The following KAZN variants were observed in gnomAD, a reference collection of about 807,000 sequenced individuals.
KAZN encodes the protein kazrin, periplakin interacting protein, also known as kazrin.
In KAZN, 40 loss-of-function variants were observed where a neutral mutation model predicts 87.4. The observed-to-expected ratio is 0.46, with a 90% CI of 0.36 to 0.60. The LOEUF is 0.60. Ranked by LOEUF, KAZN falls within the 20% of genes least tolerant of loss-of-function variation. KAZN has a pLI of 0.00. For missense variants in KAZN, 898 were observed against 1,073.9 expected (o/e 0.84, Z 2.29); for synonymous variants, 466 against 458.3 (o/e 1.02, Z -0.22).
chr1:14,544,086 G>T (rs1468124721), intron 2 of KAZN, among the ~76,000 whole-genome samples: 1 of 152,110 alleles, frequency 6.6e-6, no homozygotes. Context: ...TTTAGGGGAA[G>T]GGAGTGCAAA....
intron 1 of KAZN, among the ~76,000 whole-genome samples, chr1:14,907,688 G>C (rs1020130158): frequency 1.3e-5 from 2 of 152,150 alleles, no homozygotes; most frequent in Non-Finnish European, 2.9e-5. Context: ...AAGAAAGAAG[G>C]GTTTCATGAA....
chr1:14,943,010 GTGTGTGTGTGTGTGTGTGTGTGT>G lies in KAZN; in HGVS notation c.227-17673_227-17651del, dbSNP rs1661292509. Among the ~76,000 whole-genome samples the G allele has an allele frequency of 4.4e-4, 34 of 76,642 alleles. No homozygotes were observed. In the East Asian group the frequency reaches 0.013, roughly 30 times the overall value. The allele number at this position is 76,642 out of a possible 152,430, so 50.3% of individuals were successfully genotyped here. A position where few individuals can be genotyped will look rare whatever the true frequency, so the allele number is the denominator to read the frequency against. ...TGAGCTGCGTGTGTGTGTGTGTGGT[GTGTGTGTGTGTGTGTGTGTGTGT>G]GTGTGTGTGTGTGTGTGTTGGGGAG... On this transcript the variant is annotated intron_variant, in intron 1 of 14. Coordinates refer to ENST00000376030, the MANE Select transcript of KAZN (RefSeq NM_201628.3).
In KAZN at chr1:15,101,750, G is replaced by A. The variant is rs140097985; in HGVS notation, c.1755G>A (p.Leu585=). Residue 585 remains leucine, a synonymous_variant, in exon 11 of 15, where the codon CTG becomes CTA. Coordinates refer to ENST00000376030, the MANE Select transcript of KAZN (RefSeq NM_201628.3). ...QVSILLGIEL[L]YQVNFSREAL... Reference sequence around the variant, plus strand: ...GCATCCTGCTGGGGATCGAGCTGCTGTACCAAGTGAACTTCAGCAGGGAGG... The same window carrying A: ...GCATCCTGCTGGGGATCGAGCTGCTATACCAAGTGAACTTCAGCAGGGAGG... 372 of 1,583,660 alleles carry A rather than the reference G, an allele frequency of 2.3e-4. No individual in the cohort carries two copies. The African/African-American group carries it at 4.2e-3, about 18-fold the overall frequency.
At chr1:13,947,240 A>T (rs989198851) in intron 1 of KAZN, among the ~76,000 whole-genome samples, 1 of 152,174 alleles carries the variant, frequency 6.6e-6, no homozygotes, top group Non-Finnish European at 1.5e-5. Context: ...CAGGTGAGAG[A>T]TAATGAGCAA....
chr1:14,105,586 C>T (rs1364512320), intron 1 of KAZN, among the ~76,000 whole-genome samples: 3 of 152,316 alleles, frequency 2.0e-5, no homozygotes, highest in Admixed American at 1.3e-4. Context: ...ATTCTTGGAA[C>T]CCCTGTCCAA....
At chr1:14,197,480 G>A (rs756906736) in intron 2 of KAZN, among the ~76,000 whole-genome samples, 56 of 151,244 alleles carry the variant, frequency 3.7e-4, no homozygotes, top group Non-Finnish European at 3.5e-4. Flanking sequence ...CTGAGGTCAG[G>A]AGTTCTAGAC....
At chr1:14,114,811 C>G (rs1242295325) in intron 1 of KAZN, among the ~76,000 whole-genome samples, 4 of 152,212 alleles carry the variant, frequency 2.6e-5, no homozygotes, top group Non-Finnish European at 4.4e-5. Flanking sequence ...GCTGAGCCCT[C>G]TAACTCCATC....
chr1:14,657,280 T>A (rs1467310677), intron 1 of KAZN, among the ~76,000 whole-genome samples: 5 of 152,112 alleles, frequency 3.3e-5, no homozygotes, highest in East Asian at 3.9e-4. Flanking sequence ...ACGGGGTTTC[T>A]CCATGTTGGT....
chr1:14,628,209 A>T (rs754825341), intron 1 of KAZN, among the ~76,000 whole-genome samples: 1 of 152,196 alleles, frequency 6.6e-6, no homozygotes, highest in African/African-American at 2.4e-5. Flanking sequence ...ATGCATGCCT[A>T]TGGATCCTGT....
intron 1 of KAZN, among the ~76,000 whole-genome samples, chr1:14,751,587 C>CCCAA (rs1644413644): frequency 6.6e-6 from 1 of 152,156 alleles, no homozygotes; most frequent in Non-Finnish European, 1.5e-5. Context: ...AAGAGACTTG[C>CCCAA]CCAAGGTCAT....
chr1:14,114,774 A>G (rs1412868291), intron 1 of KAZN, among the ~76,000 whole-genome samples: 2 of 152,220 alleles, frequency 1.3e-5, no homozygotes, highest in Non-Finnish European at 2.9e-5. Flanking sequence ...TCTAATATTC[A>G]TTGCAAGCTT....
intron 1 of KAZN, among the ~76,000 whole-genome samples, chr1:14,661,669 G>A (rs1234802870): frequency 7.1e-6 from 1 of 140,406 alleles, no homozygotes; most frequent in Non-Finnish European, 1.6e-5. Context: ...GGACGGGGGG[G>A]CGGGAGGGAG....
chr1:14,416,356 T>A (rs553821864), intron 2 of KAZN, among the ~76,000 whole-genome samples: 1 of 152,318 alleles, frequency 6.6e-6, no homozygotes, highest in East Asian at 1.9e-4. Flanking sequence ...AGTGACTTCT[T>A]GATACAGAAT....
intron 1 of KAZN, among the ~76,000 whole-genome samples, chr1:14,077,694 G>T (rs1315759598): frequency 6.6e-6 from 1 of 152,224 alleles, no homozygotes; most frequent in Non-Finnish European, 1.5e-5. Context: ...GAAATCCTAA[G>T]CCCTGGTACC....
intron 13 of KAZN, among the ~76,000 whole-genome samples, chr1:15,111,170 C>T (rs1038302776): frequency 6.6e-6 from 1 of 152,226 alleles, no homozygotes; most frequent in Non-Finnish European, 1.5e-5. Context: ...CTGTCTCCTA[C>T]ACACCACTCC....
At chr1:14,179,225 T>A (rs188800078) in intron 1 of KAZN, among the ~76,000 whole-genome samples, 3 of 152,344 alleles carry the variant, frequency 2.0e-5, no homozygotes, top group Non-Finnish European at 4.4e-5. Flanking sequence ...AACTTTGTCC[T>A]GGAAATCCTA....
chr1:14,761,432 T>G (rs1557462408), intron 1 of KAZN, among the ~76,000 whole-genome samples: 1 of 152,146 alleles, frequency 6.6e-6, no homozygotes, highest in Non-Finnish European at 1.5e-5. Context: ...AAAACAAGCT[T>G]CAACACTGAT....
At chr1:14,762,464 G>A (rs1320566535) in intron 1 of KAZN, among the ~76,000 whole-genome samples, 1 of 152,138 alleles carries the variant, frequency 6.6e-6, no homozygotes, top group African/African-American at 2.4e-5. Context: ...GGTGGCTCAC[G>A]CCAGTAATCC....
At chr1:15,107,695 C>A (rs1396556298) in intron 13 of KAZN, among the ~76,000 whole-genome samples, 1 of 152,136 alleles carries the variant, frequency 6.6e-6, no homozygotes, top group Non-Finnish European at 1.5e-5. Flanking sequence ...TATTCCAAAC[C>A]CACCCCTAGC....
Sources: gnomAD v4.1 joint callset for allele counts (sites outside exome capture counted in the v4.1 genomes callset) on GRCh38, gnomAD v4.1.1 for gene constraint, MANE v1.5 for transcripts, NCBI Gene and HGNC (gene_info 2026-07-23, HGNC 2026-07-21) for gene names.